The following NRXN3 variants were observed in gnomAD, a reference collection of about 807,000 sequenced individuals.
NRXN3 encodes the protein neurexin III.
NRXN3 carries 32 observed loss-of-function variants against 137.6 expected under a neutral mutation model. That is an observed-to-expected ratio of 0.23 (90% CI 0.18 to 0.31). The LOEUF is 0.31. Ranked by LOEUF, NRXN3 falls within the 10% of genes least tolerant of loss-of-function variation. The pLI, the probability that NRXN3 is intolerant of heterozygous loss-of-function variation, is 1.00. For synonymous variants in NRXN3, 798 were observed against 784.5 expected (o/e 1.02, Z -0.29); for missense variants, 1,574 against 2,062.5 (o/e 0.76, Z 4.59).
At chr14:78,504,905 C>T (rs1475879010) in intron 4 of NRXN3, among the ~76,000 whole-genome samples, 1 of 152,086 alleles carries the variant, frequency 6.6e-6, no homozygotes, top group African/African-American at 2.4e-5. Flanking sequence ...CCATCCGGGC[C>T]CGACAAGAGG....
In NRXN3 at chr14:79,388,141, G is replaced by A. The variant is rs540268034; in HGVS notation, c.3263-79080G>A. Among the ~76,000 whole-genome samples, 15 of 151,676 alleles carry A rather than the reference G, an allele frequency of 9.9e-5. 1 individual carries two copies. The East Asian group carries it at 2.3e-3, about 24-fold the overall frequency. On this transcript the variant is annotated intron_variant, in intron 15 of 20. Transcript: ENST00000335750. ...GGATATTTTTTAAAAAGTGTGTGGC[G>A]TCTTCCCCCTTATTCTCTCTTGCTC...
intron 15 of NRXN3, among the ~76,000 whole-genome samples, chr14:79,118,697 T>C (rs1038262700): frequency 6.6e-6 from 1 of 152,238 alleles, no homozygotes; most frequent in African/African-American, 2.4e-5. Flanking sequence ...TTTGGTTAGA[T>C]ACAAGTGTAA....
chr14:78,406,794 G>A (rs2092514732), intron 4 of NRXN3, among the ~76,000 whole-genome samples: 1 of 152,184 alleles, frequency 6.6e-6, no homozygotes, highest in Non-Finnish European at 1.5e-5. Flanking sequence ...AGAGGTTGGA[G>A]GTGGGGGTGA....
At chr14:78,485,731 A>C (rs867709567) in intron 4 of NRXN3, among the ~76,000 whole-genome samples, 1 of 152,030 alleles carries the variant, frequency 6.6e-6, no homozygotes, top group Non-Finnish European at 1.5e-5. Context: ...TATCTCTTCT[A>C]TGTTTCAAAG....
intron 15 of NRXN3, among the ~76,000 whole-genome samples, chr14:79,266,248 G>A (rs1483674696): frequency 6.6e-6 from 1 of 152,024 alleles, no homozygotes; most frequent in African/African-American, 2.4e-5. Flanking sequence ...GAAATCATAC[G>A]TAATACAGTC....
chr14:78,311,741 T>A (rs573138765), intron 4 of NRXN3, among the ~76,000 whole-genome samples: 1 of 152,276 alleles, frequency 6.6e-6, no homozygotes, highest in South Asian at 2.1e-4. Flanking sequence ...TCTGCTTTTT[T>A]TTTTGTGCAC....
intron 16 of NRXN3, among the ~76,000 whole-genome samples, chr14:79,477,519 C>T (rs527998468): frequency 6.6e-6 from 1 of 152,062 alleles, no homozygotes; most frequent in Non-Finnish European, 1.5e-5. Flanking sequence ...TAATGATAGC[C>T]ATGTTCTTGT....
chr14:78,422,692 C>T (rs1238961636), intron 4 of NRXN3, among the ~76,000 whole-genome samples: 4 of 152,196 alleles, frequency 2.6e-5, no homozygotes, highest in Non-Finnish European at 4.4e-5. Flanking sequence ...ATGCTAGAGG[C>T]ACTAAGACTT....
At chr14:78,934,613 G>A (rs181085868) in intron 10 of NRXN3, among the ~76,000 whole-genome samples, 9 of 152,218 alleles carry the variant, frequency 5.9e-5, no homozygotes, top group Non-Finnish European at 1.2e-4. Flanking sequence ...ATACCCAAGG[G>A]CACCATTTAA....
intron 17 of NRXN3, among the ~76,000 whole-genome samples, chr14:79,687,527 T>G (rs1295629549): frequency 6.6e-6 from 1 of 152,218 alleles, no homozygotes. Context: ...CTTTGACTGT[T>G]CATTAGACCC....
intron 16 of NRXN3, among the ~76,000 whole-genome samples, chr14:79,531,179 G>T (rs145905273): frequency 6.6e-6 from 1 of 152,084 alleles, no homozygotes; most frequent in African/African-American, 2.4e-5. Flanking sequence ...CATTGCTTCC[G>T]TTTAGCTAAT....
intron 2 of NRXN3, among the ~76,000 whole-genome samples, chr14:78,272,660 C>T (rs1311156278): frequency 5.3e-5 from 8 of 152,154 alleles, no homozygotes; most frequent in Non-Finnish European, 8.8e-5. Context: ...TATTCTCATA[C>T]CTAATTTGTA....
At chr14:78,411,023 A>C (rs1466136398) in intron 4 of NRXN3, among the ~76,000 whole-genome samples, 2 of 152,206 alleles carry the variant, frequency 1.3e-5, no homozygotes, top group Non-Finnish European at 2.9e-5. Flanking sequence ...ATAATCTGTA[A>C]ATGAGGATAA....
At chr14:78,963,820 C>T (rs1358303484) in intron 11 of NRXN3, among the ~76,000 whole-genome samples, 3 of 152,232 alleles carry the variant, frequency 2.0e-5, no homozygotes, top group South Asian at 2.1e-4. Context: ...GACAGCATCT[C>T]GCTGTGTTAC....
intron 15 of NRXN3, among the ~76,000 whole-genome samples, chr14:79,334,556 A>G (rs909386777): frequency 1.3e-5 from 2 of 152,232 alleles, no homozygotes; most frequent in Admixed American, 6.5e-5. Context: ...AACCAGGAGC[A>G]TATTGTGTAT....
At chr14:79,031,852 T>C (rs1301515739) in intron 15 of NRXN3, among the ~76,000 whole-genome samples, 1 of 152,154 alleles carries the variant, frequency 6.6e-6, no homozygotes, top group Non-Finnish European at 1.5e-5. Flanking sequence ...CTCCAGTTTT[T>C]GTTGTTGTTG....
intron 16 of NRXN3, among the ~76,000 whole-genome samples, chr14:79,494,853 C>A (rs1042723516): frequency 6.6e-6 from 1 of 152,130 alleles, no homozygotes; most frequent in Non-Finnish European, 1.5e-5. Flanking sequence ...CCACTACTGT[C>A]CTTTGTATGT....
rs140382285 is a variant in NRXN3, at chr14:78,391,852, C to T, written c.757+93992C>T. ...CATAAAGAACTATTTTCACAACAGCCAAAAATTAAGAAAAATGCTTCTAGT... is the reference window on the plus strand; with the variant it reads ...CATAAAGAACTATTTTCACAACAGCTAAAAATTAAGAAAAATGCTTCTAGT... On this transcript the variant is annotated intron_variant, in intron 4 of 20. Coordinates refer to ENST00000335750, the MANE Select transcript of NRXN3 (RefSeq NM_001330195.2). 5.4e-3 allele frequency among the ~76,000 whole-genome samples: 820 copies of T among 152,066 alleles called. 1 individual carries two copies. The highest frequency in any genetic ancestry group is 0.019 in the African/African-American group (769 of 41,478).
At chr14:79,318,722 T>A (rs1053163048) in intron 15 of NRXN3, among the ~76,000 whole-genome samples, 13 of 152,196 alleles carry the variant, frequency 8.5e-5, no homozygotes, top group Admixed American at 6.5e-4. Flanking sequence ...TATGGAACAT[T>A]CTTTGGGGTC....
Sources: gnomAD v4.1 joint callset for allele counts (sites outside exome capture counted in the v4.1 genomes callset) on GRCh38, gnomAD v4.1.1 for gene constraint, MANE v1.5 for transcripts, NCBI Gene and HGNC (gene_info 2026-07-23, HGNC 2026-07-21) for gene names.